The following NECTIN3 variants were observed in gnomAD, a reference collection of about 807,000 sequenced individuals.
NECTIN3 encodes nectin-3.
A neutral mutation model predicts 49.4 loss-of-function variants in NECTIN3; 8 were observed. That is an observed-to-expected ratio of 0.16 (90% CI 0.10 to 0.29). The LOEUF (loss-of-function observed/expected upper bound fraction) is 0.29. NECTIN3 is among the 10% of genes least tolerant of loss of function. The pLI, the probability that NECTIN3 is intolerant of heterozygous loss-of-function variation, is 1.00. For synonymous variants in NECTIN3, 277 were observed against 241.1 expected, an observed-to-expected ratio of 1.15 and a Z score of -1.38; for missense variants, 581 against 654.6, an observed-to-expected ratio of 0.89 and a Z score of 1.23.
intron 1 of NECTIN3, among the ~76,000 whole-genome samples, chr3:111,194,099 C>T (rs1375447622): frequency 6.6e-6 from 1 of 152,134 alleles, no homozygotes; most frequent in Non-Finnish European, 1.5e-5. Flanking sequence ...TGTCACTGTT[C>T]CTACAGTCCT....
intron 7 of NECTIN3, among the ~76,000 whole-genome samples, chr3:111,187,277 C>T (rs548282895): frequency 9.8e-4 from 149 of 152,220 alleles, no homozygotes; most frequent in African/African-American, 3.5e-3. Context: ...GTGGTGTGTG[C>T]CTGTAGTCCC....
At chr3:111,153,783 T>C (rs1387189360) in intron 7 of NECTIN3, among the ~76,000 whole-genome samples, 2 of 152,166 alleles carry the variant, frequency 1.3e-5, no homozygotes, top group Admixed American at 1.3e-4. Flanking sequence ...ATATGGAGTC[T>C]ACACTGTTTG....
At chr3:111,105,461 C>T (rs80089947) in intron 1 of NECTIN3, among the ~76,000 whole-genome samples, 413 of 152,216 alleles carry the variant, frequency 2.7e-3, no homozygotes, top group Non-Finnish European at 4.3e-3. Flanking sequence ...TGCTATTCTA[C>T]GTAGCAATGT....
chr3:111,095,610 A>T (rs921839764), intron 1 of NECTIN3, among the ~76,000 whole-genome samples: 1 of 152,076 alleles, frequency 6.6e-6, no homozygotes, highest in Non-Finnish European at 1.5e-5. Context: ...TGGTGTCCTC[A>T]CCCAAATCTC....
intron 1 of NECTIN3, among the ~76,000 whole-genome samples, chr3:111,075,562 A>G (rs1027584651): frequency 1.3e-5 from 2 of 152,146 alleles, no homozygotes; most frequent in African/African-American, 4.8e-5. Context: ...TGCGCAGCAT[A>G]AACTAACCAG....
intron 7 of NECTIN3, among the ~76,000 whole-genome samples, chr3:111,179,558 G>A (rs2035590105): frequency 6.6e-6 from 1 of 152,124 alleles, no homozygotes; most frequent in Non-Finnish European, 1.5e-5. Flanking sequence ...CATTGGGACA[G>A]AGGAACTATA....
At chr3:111,175,197 C>A (rs2035505402) in intron 7 of NECTIN3, among the ~76,000 whole-genome samples, 1 of 151,714 alleles carries the variant, frequency 6.6e-6, no homozygotes, top group South Asian at 2.1e-4. Flanking sequence ...CTTGTCCCCT[C>A]CTCTCCTTGC....
intron 5 of NECTIN3, among the ~76,000 whole-genome samples, chr3:111,144,201 AAAAAT>A (rs1405706564): frequency 6.6e-6 from 1 of 152,034 alleles, no homozygotes; most frequent in Non-Finnish European, 1.5e-5. Context: ...TCCTTTCTTA[AAAAAT>A]TGTGGTGCAG....
chr3:111,107,418 A>G (rs1274176429), intron 1 of NECTIN3, among the ~76,000 whole-genome samples: 1 of 152,124 alleles, frequency 6.6e-6, no homozygotes, highest in Admixed American at 6.6e-5. Context: ...TAAATCAGGA[A>G]GACAGAGTAG....
chr3:111,098,546 CTGTG>C (rs1338482751), intron 1 of NECTIN3, among the ~76,000 whole-genome samples: 3 of 152,190 alleles, frequency 2.0e-5, no homozygotes, highest in African/African-American at 7.2e-5. Context: ...TGACCTCACT[CTGTG>C]TATTTTCTGT....
chr3:111,165,739 A>G (rs1576173989), intron 7 of NECTIN3, among the ~76,000 whole-genome samples: 1 of 152,216 alleles, frequency 6.6e-6, no homozygotes, highest in East Asian at 1.9e-4. Context: ...CCATAAGCTT[A>G]TATTAGTTGC....
intron 7 of NECTIN3, among the ~76,000 whole-genome samples, chr3:111,158,653 G>A (rs558166173): frequency 6.6e-6 from 1 of 152,194 alleles, no homozygotes; most frequent in East Asian, 1.9e-4. Context: ...TGAACTGCAT[G>A]TATGATTGTT....
downstream of NECTIN3, among the ~76,000 whole-genome samples, chr3:111,140,959 A>G (rs1170617760): frequency 6.6e-6 from 1 of 151,910 alleles, no homozygotes; most frequent in South Asian, 2.1e-4. Context: ...TGGATGACAT[A>G]TATTTCATGG....
At chr3:111,161,304 A>G (rs1383046698) in intron 7 of NECTIN3, among the ~76,000 whole-genome samples, 5 of 152,152 alleles carry the variant, frequency 3.3e-5, no homozygotes, top group African/African-American at 4.8e-5. Flanking sequence ...GGCCTTTGTC[A>G]CCACAAAGTA....
At chr3:111,121,160 G>A (rs935107676) in intron 3 of NECTIN3, among the ~76,000 whole-genome samples, 2 of 150,512 alleles carry the variant, frequency 1.3e-5, no homozygotes, top group East Asian at 2.0e-4. Flanking sequence ...CCGCCATCAC[G>A]CCTGGCTAAT....
chr3:111,083,690 CGTG>C (rs1237824499), intron 1 of NECTIN3, among the ~76,000 whole-genome samples: 1 of 152,008 alleles, frequency 6.6e-6, no homozygotes, highest in Non-Finnish European at 1.5e-5. Flanking sequence ...AACTTGACCC[CGTG>C]GTTAAAAGAC....
chr3:111,132,484 G>A (rs1214623262), intron 5 of NECTIN3, among the ~76,000 whole-genome samples: 1 of 151,704 alleles, frequency 6.6e-6, no homozygotes, highest in African/African-American at 2.4e-5. Flanking sequence ...TTAATTATAG[G>A]AGATTACCAT....
At chr3:111,182,465 T>G (rs2035644650) in intron 7 of NECTIN3, among the ~76,000 whole-genome samples, 1 of 152,168 alleles carries the variant, frequency 6.6e-6, no homozygotes, top group African/African-American at 2.4e-5. Flanking sequence ...CATTTCTCCT[T>G]TCAATTCTGT....
rs148649365 is a variant in NECTIN3 at position 111,148,269 on chromosome 3, A to G, written c.1221+785A>G. On this transcript the variant is annotated intron_variant, in intron 7 of 8. Transcript: ENST00000493615. ...AATTTGGTGGAAAAATTCTAAAGGA[A>G]TGTTTCTGCCAAGATGTTCTCAGCT... Among the ~76,000 whole-genome samples the G allele has an allele frequency of 4.6e-5, 7 of 152,288 alleles. No homozygotes were observed. The East Asian group carries it at 1.4e-3, about 29-fold the overall frequency.
Sources: gnomAD v4.1 joint callset for allele counts (sites outside exome capture counted in the v4.1 genomes callset) on GRCh38, gnomAD v4.1.1 for gene constraint, MANE v1.5 for transcripts, NCBI Gene and HGNC (gene_info 2026-07-23, HGNC 2026-07-21) for gene names.